The following TET1 variants were observed in gnomAD, a reference collection of about 807,000 sequenced individuals.
The protein encoded by TET1 is tet methylcytosine dioxygenase 1.
In TET1, 13 loss-of-function variants were observed where a neutral mutation model predicts 148.7. The ratio of observed to expected loss-of-function variants is 0.09; its 90% confidence interval spans 0.06 to 0.14. The LOEUF is 0.14. Among genes scored for constraint, TET1 ranks in the 10% least tolerant of loss-of-function variants. The probability of loss-of-function intolerance (pLI) is 1.00; values close to 1 mark genes in which losing one functional copy is unlikely to be tolerated. For synonymous variants in TET1, 907 were observed against 937.2 expected (o/e 0.97, Z 0.59); for missense variants, 2,182 against 2,553.8 (o/e 0.85, Z 3.14).
At chr10:68,560,933 C>A (rs1232973832) in intron 1 of TET1, among the ~76,000 whole-genome samples, 191 bp downstream of exon 1, 4 of 152,166 alleles carry the variant, frequency 2.6e-5, no homozygotes, top group African/African-American at 7.2e-5. Flanking sequence ...ACGCTCGGGA[C>A]GCTTTTGTTG....
At chr10:68,624,598 T>TTATCTC in intron 3 of TET1, among the ~76,000 whole-genome samples, 1 of 148,366 alleles carries the variant, frequency 6.7e-6, no homozygotes, top group South Asian at 2.2e-4. Flanking sequence ...CTTATTTTCT[T>TTATCTC]TTTCTCTTTC....
At chr10:68,591,753 A>T (rs2053921346) in intron 2 of TET1, among the ~76,000 whole-genome samples, 1 of 151,994 alleles carries the variant, frequency 6.6e-6, no homozygotes, top group Non-Finnish European at 1.5e-5. Context: ...AATACAAAAA[A>T]TTAGCTGGGC....
chr10:68,648,587 G>A lies in TET1; in HGVS notation c.4276+1582G>A, dbSNP rs557204085. Among the ~76,000 whole-genome samples the A allele has an allele frequency of 1.1e-4, 16 of 152,282 alleles. No individual in the cohort carries two copies. In the South Asian group the frequency reaches 2.9e-3, roughly 28 times the overall value. The stretch of plus-strand genomic sequence containing the variant: ...GACTCAAGATTTGCCTTGACCAAAG[G>A]TGATGTTTTTATTAGAAGCAGGTGG... On this transcript the variant is annotated intron_variant, in intron 4 of 11. Coordinates refer to ENST00000373644, the MANE Select transcript of TET1 (RefSeq NM_030625.3).
At chr10:68,667,005 A>G in intron 6 of TET1, 40 bp from the exon 7 acceptor site, 1 of 1,566,418 alleles carries the variant, frequency 6.4e-7, no homozygotes, top group Non-Finnish European at 8.7e-7. Flanking sequence ...CAAATTTGGC[A>G]TACTTGTCTT....
chr10:68,571,638 T>C (rs1220023929), intron 1 of TET1, among the ~76,000 whole-genome samples: 20 of 150,502 alleles, frequency 1.3e-4, no homozygotes, highest in Admixed American at 1.3e-3. Context: ...GACCTCATGA[T>C]CCACCTGCCT....
chr10:68,624,660 C>CCTTCTTTCTTTCTTTCTT (rs2054440434), intron 3 of TET1, among the ~76,000 whole-genome samples: 1 of 74,458 alleles, frequency 1.3e-5, no homozygotes, highest in African/African-American at 5.3e-5. Context: ...TTCTTTCTTT[C>CCTTCTTTCTTTCTTTCTT]TCTCTCTCTC....
chr10:68,577,518 C>T (rs762093995), intron 2 of TET1, among the ~76,000 whole-genome samples: 6 of 151,578 alleles, frequency 4.0e-5, no homozygotes, highest in Admixed American at 6.6e-5. Flanking sequence ...CAAACAAAAT[C>T]ATAGCTGGGC....
At chr10:68,674,885 G>C (rs534570134) in intron 8 of TET1, 7 of 399,390 alleles carry the variant, frequency 1.8e-5, no homozygotes, top group African/African-American at 1.5e-4. Flanking sequence ...ATTGATTCCA[G>C]ACAGGATTGG....
intron 1 of TET1, among the ~76,000 whole-genome samples, chr10:68,566,985 T>G (rs2053614598): frequency 6.6e-6 from 1 of 152,190 alleles, no homozygotes; most frequent in Non-Finnish European, 1.5e-5. Context: ...GGTTTTCTTT[T>G]GTATTAAACA....
chr10:68,665,811 G>A (rs908919946), intron 6 of TET1, among the ~76,000 whole-genome samples: 1 of 152,102 alleles, frequency 6.6e-6, no homozygotes, highest in Non-Finnish European at 1.5e-5. Flanking sequence ...TGTCTAGGGG[G>A]AAGGTCCTAA....
intron 6 of TET1, 80 bp from the exon 7 acceptor site, chr10:68,666,965 G>A (rs2055203118): frequency 8.5e-7 from 1 of 1,177,418 alleles, no homozygotes; most frequent in Non-Finnish European, 1.2e-6. Flanking sequence ...TATAATCATG[G>A]AGAACATCAA....
At chr10:68,657,787 G>A (rs916166145) in intron 6 of TET1, among the ~76,000 whole-genome samples, 1 of 150,994 alleles carries the variant, frequency 6.6e-6, no homozygotes, top group Non-Finnish European at 1.5e-5. Context: ...TAAACTTTAG[G>A]TAGAGGTTGA....
Position 68,693,710 on chromosome 10 carries a change from G to A in TET1, c.*1896G>A, listed in dbSNP as rs1371994245. On this transcript the variant is annotated 3_prime_UTR_variant, in exon 12 of 12. Transcript: ENST00000373644. ...CCTAAGGTTTCTTATATACATATAA[G>A]TATATAAATAAGTGATTGTTTATTG... is the stretch of plus-strand genomic sequence containing the variant. 2 of 231,476 alleles carry A rather than the reference G, an allele frequency of 8.6e-6. No individual in the cohort carries two copies. The highest frequency in any genetic ancestry group is 6.2e-5 in the East Asian group (1 of 16,234). 14.3% of individuals were successfully genotyped at this position (231,476 alleles called of 1,614,324 possible).
chr10:68,598,646 TGCAG>T (rs2054014518), intron 2 of TET1, among the ~76,000 whole-genome samples: 1 of 152,124 alleles, frequency 6.6e-6, no homozygotes, highest in South Asian at 2.1e-4. Flanking sequence ...TTACAAGTGT[TGCAG>T]GAAGAGTTGA....
chr10:68,572,967 C>A lies in TET1; in HGVS notation c.629C>A (p.Ala210Glu), dbSNP rs2053687687. The A allele has an allele frequency of 1.9e-6, 3 of 1,614,006 alleles. No homozygotes were observed. Among genetic ancestry groups the A allele is most frequent in the Non-Finnish European group, 1.7e-6 (2 of 1,180,044 alleles). ...KINIPTHSGPAAEILPGPLEG... is the reference protein window; with the variant it reads ...KINIPTHSGPEAEILPGPLEG... ...AATATCCCTACCCACAGTGGCCCTG[C>A]AGCTGAGATCCTTCCTGGGCCACTG... is the stretch of plus-strand genomic sequence containing the variant. The change falls in exon 2 of 12, where the codon GCA (alanine) becomes GAA (glutamate). Residue 210 changes from alanine (A) to glutamate (E), a missense_variant. Ala to Glu is a moderately radical substitution (Grantham distance 107). Transcript: ENST00000373644.
rs192710147 is a variant in TET1 at position 68,584,833 on chromosome 10, T to G, written c.1914+10581T>G. Reference sequence around the variant, plus strand: ...GTTTATTCTACACATATCTCTTTTTTTTTTTTAGGCAAAATCTCGCCCTGT... The same window carrying G: ...GTTTATTCTACACATATCTCTTTTTGTTTTTTAGGCAAAATCTCGCCCTGT... On this transcript the variant is annotated intron_variant, in intron 2 of 11. Coordinates refer to ENST00000373644, the MANE Select transcript of TET1 (RefSeq NM_030625.3). 3.3e-3 allele frequency among the ~76,000 whole-genome samples: 509 copies of G among 152,154 alleles called. 2 individuals carry two copies. The highest frequency in any genetic ancestry group is 0.012 in the African/African-American group (478 of 41,542).
chr10:68,671,821 C>A (rs1025464200), intron 7 of TET1, among the ~76,000 whole-genome samples: 2 of 152,074 alleles, frequency 1.3e-5, no homozygotes, highest in African/African-American at 4.8e-5. Flanking sequence ...TGCTCTGTCA[C>A]CCAGGCTGGA....
intron 2 of TET1, among the ~76,000 whole-genome samples, chr10:68,593,915 A>ATTTTTTTTTTTTT (rs3998851): frequency 4.5e-5 from 2 of 44,724 alleles, no homozygotes; most frequent in Non-Finnish European, 7.9e-5. Context: ...CGCCTGAGCT[A>ATTTTTTTTTTTTT]TTTTTTTTTT....
At chr10:68,599,703 T>A (rs987877163) in intron 2 of TET1, among the ~76,000 whole-genome samples, 3 of 152,198 alleles carry the variant, frequency 2.0e-5, no homozygotes, top group Non-Finnish European at 4.4e-5. Flanking sequence ...GGGACTTGCT[T>A]GGCAGGTCTG....
Sources: gnomAD v4.1 joint callset for allele counts (sites outside exome capture counted in the v4.1 genomes callset) on GRCh38, gnomAD v4.1.1 for gene constraint, MANE v1.5 for transcripts, NCBI Gene and HGNC (gene_info 2026-07-23, HGNC 2026-07-21) for gene names.